GLI2: variants seen among roughly 807,000 people sequenced by gnomAD.
GLI2 encodes GLI family zinc finger 2, also known as transcription activator GLI2.
GLI2 carries 22 observed loss-of-function variants against 78.9 expected under a neutral mutation model. That is an observed-to-expected ratio of 0.28 (90% CI 0.20 to 0.40). GLI2 has a LOEUF of 0.40. Ranked by LOEUF, GLI2 falls within the 10% of genes least tolerant of loss-of-function variation. GLI2 has a pLI of 1.00. For missense variants in GLI2, 2,097 were observed against 2,213.2 expected, an observed-to-expected ratio of 0.95 and a Z score of 1.05; for synonymous variants, 974 against 963.7, an observed-to-expected ratio of 1.01 and a Z score of -0.20.
chr2:120,940,574 C>T (rs1680404645), intron 3 of GLI2, among the ~76,000 whole-genome samples: 1 of 152,210 alleles, frequency 6.6e-6, no homozygotes, highest in Non-Finnish European at 1.5e-5. Flanking sequence ...TGCTCCAGCA[C>T]CTTGTATACT....
intron 2 of GLI2, among the ~76,000 whole-genome samples, chr2:120,900,525 A>G (rs1216011831): frequency 6.6e-6 from 1 of 152,160 alleles, no homozygotes; most frequent in Non-Finnish European, 1.5e-5. Flanking sequence ...GACCCTGTGC[A>G]TAGGATCTGA....
intron 2 of GLI2, among the ~76,000 whole-genome samples, chr2:120,803,603 T>G (rs2104709664): frequency 6.6e-6 from 1 of 152,306 alleles, no homozygotes; most frequent in East Asian, 1.9e-4. Flanking sequence ...CCTGGGTGCC[T>G]GTCCCACTTT....
chr2:120,755,374 C>G (rs1188338865), intron 1 of GLI2, among the ~76,000 whole-genome samples: 1 of 152,070 alleles, frequency 6.6e-6, no homozygotes, highest in Non-Finnish European at 1.5e-5. Context: ...TTTTGGTGTG[C>G]TTTATTGCCA....
At chr2:120,794,950 G>T (rs1486464233) in intron 1 of GLI2, among the ~76,000 whole-genome samples, 1 of 152,188 alleles carries the variant, frequency 6.6e-6, no homozygotes, top group East Asian at 1.9e-4. Context: ...TGGCCAGGCT[G>T]GTGTGTGCAG....
At chr2:120,899,832 C>G (rs920534108) in intron 2 of GLI2, among the ~76,000 whole-genome samples, 1 of 152,272 alleles carries the variant, frequency 6.6e-6, no homozygotes, top group South Asian at 2.1e-4. Flanking sequence ...AACTGGTGTC[C>G]AAGCCAGGTG....
At chr2:120,957,689 G>C (rs1222842202) in intron 5 of GLI2, among the ~76,000 whole-genome samples, 2 of 152,224 alleles carry the variant, frequency 1.3e-5, no homozygotes, top group African/African-American at 4.8e-5. Flanking sequence ...GCAGCCGGGA[G>C]TCATCCAGTG....
At chr2:120,786,473 C>G (rs183438257) in intron 1 of GLI2, among the ~76,000 whole-genome samples, 1 of 152,144 alleles carries the variant, frequency 6.6e-6, no homozygotes, top group South Asian at 2.1e-4. Context: ...TCCAACCCCC[C>G]GCCCAACCTG....
chr2:120,874,427 C>G (rs277553), intron 2 of GLI2, among the ~76,000 whole-genome samples: 85,444 of 152,182 alleles, frequency 0.56, 26,769 homozygotes, highest in African/African-American at 0.85. Context: ...TCACAAAACA[C>G]TGCAGCTCAC....
intron 1 of GLI2, among the ~76,000 whole-genome samples, chr2:120,791,112 G>A (rs562520620): frequency 6.6e-6 from 1 of 152,306 alleles, no homozygotes; most frequent in African/African-American, 2.4e-5. Flanking sequence ...AGGCACACAT[G>A]CATCTCTCAT....
intron 2 of GLI2, among the ~76,000 whole-genome samples, chr2:120,924,066 G>T (rs1225180672): frequency 6.6e-6 from 1 of 152,186 alleles, no homozygotes; most frequent in Non-Finnish European, 1.5e-5. Flanking sequence ...TCTGGGCTCT[G>T]ATGGCATTAG....
chr2:120,984,267 A>G lies in GLI2; in HGVS notation c.1633-204A>G, dbSNP rs3820719. 0.61 allele frequency among the ~76,000 whole-genome samples: 92,867 copies of G among 152,088 alleles called. 29,944 individuals carry two copies. The highest frequency in any genetic ancestry group is 0.73 in the Non-Finnish European group (49,822 of 67,966). On this transcript the variant is annotated intron_variant, in intron 11 of 13. Transcript: ENST00000361492. ...TGGCCGTGTGCTTAACTGCATGAAC[A>G]GGTGCAGACAAGCCAGGCTATGGCC...
At chr2:120,876,112 C>A (rs1187002661) in intron 2 of GLI2, among the ~76,000 whole-genome samples, 2 of 152,120 alleles carry the variant, frequency 1.3e-5, no homozygotes, top group Non-Finnish European at 2.9e-5. Context: ...GAGGCCTAGG[C>A]GGGCAGATCA....
At chr2:120,761,699 T>G (rs1683219234) in intron 1 of GLI2, among the ~76,000 whole-genome samples, 1 of 152,150 alleles carries the variant, frequency 6.6e-6, no homozygotes. Context: ...GCCCGTTGTT[T>G]GCTCCTCCAG....
chr2:120,830,984 T>A (rs552256081), intron 2 of GLI2, among the ~76,000 whole-genome samples: 1,358 of 6,964 alleles, frequency 0.2, 26 homozygotes, highest in African/African-American at 0.31. Context: ...TCTCTGTCTC[T>A]TTTTTTTTTT....
intron 1 of GLI2, among the ~76,000 whole-genome samples, chr2:120,755,821 G>A (rs941170166): frequency 7.2e-5 from 11 of 151,964 alleles, no homozygotes; most frequent in Non-Finnish European, 1.3e-4. Flanking sequence ...AGCCCCATTC[G>A]TTGAAAAGAT....
chr2:120,911,177 T>C (rs1678798260), intron 2 of GLI2, among the ~76,000 whole-genome samples: 1 of 152,162 alleles, frequency 6.6e-6, no homozygotes, highest in South Asian at 2.1e-4. Flanking sequence ...ACCCCACCCA[T>C]GTCTGGAATT....
chr2:120,974,866 G>A, intron 8 of GLI2, 109 bp from the exon 9 acceptor site: 1 of 1,531,740 alleles, frequency 6.5e-7, no homozygotes, highest in Non-Finnish European at 9.0e-7. Flanking sequence ...ATCCACACCT[G>A]TAACAGCCCA....
chr2:120,829,179 A>T (rs1017235131), intron 2 of GLI2, among the ~76,000 whole-genome samples: 1 of 152,134 alleles, frequency 6.6e-6, no homozygotes, highest in Non-Finnish European at 1.5e-5. Context: ...TCATACACTT[A>T]TACACACATG....
intron 1 of GLI2, among the ~76,000 whole-genome samples, chr2:120,754,913 C>T (rs971528737): frequency 2.7e-5 from 4 of 150,798 alleles, no homozygotes; most frequent in African/African-American, 7.3e-5. Flanking sequence ...AGTGCAATGG[C>T]GCAATCTTGG....
Sources: allele counts gnomAD v4.1 joint callset (sites outside exome capture counted in the v4.1 genomes callset), GRCh38; gene constraint gnomAD v4.1.1; transcripts MANE v1.5; gene names NCBI Gene and HGNC (gene_info 2026-07-23, HGNC 2026-07-21).